Variants in CACNA1C observed in about 807,000 individuals in gnomAD.
CACNA1C encodes the protein voltage-dependent L-type calcium channel subunit alpha-1C.
CACNA1C carries 30 observed loss-of-function variants against 229.0 expected under a neutral mutation model. That is an observed-to-expected ratio of 0.13 (90% CI 0.10 to 0.18). The LOEUF is 0.18. CACNA1C is among the 10% of genes least tolerant of loss of function. The pLI, the probability that CACNA1C is intolerant of heterozygous loss-of-function variation, is 1.00. For synonymous variants in CACNA1C, 1,114 were observed against 1,132.5 expected (o/e 0.98, Z 0.33); for missense variants, 1,658 against 2,845.0 (o/e 0.58, Z 9.49).
rs561250485 is a variant in CACNA1C, at chr12:2,653,267, G to A, written c.4075-568G>A. 6.6e-5 allele frequency among the ~76,000 whole-genome samples: 10 copies of A among 152,324 alleles called. No individual in the cohort carries two copies. The East Asian group carries it at 1.2e-3, about 18-fold the overall frequency. On this transcript the variant is annotated intron_variant, in intron 32 of 46. Coordinates refer to ENST00000399655, the MANE Select transcript of CACNA1C (RefSeq NM_000719.7). This position sits in a 1 kb window ranked among gnomAD's most constrained non-coding sequence, Gnocchi z 4.7. The stretch of plus-strand genomic sequence containing the variant: ...TTATTATTGTTTCCATTTTTCTGAT[G>A]AGGAGACTGAAGTTCAGAGAAGTTA...
In CACNA1C at chr12:2,601,119, T is replaced by TGAGGG. The variant is rs1427596378; in HGVS notation, c.2854-735_2854-734insGAGGG. On this transcript the variant is annotated intron_variant, in intron 21 of 46. Transcript: ENST00000399655. The surrounding 1 kb of genome is among the most constrained non-coding windows in gnomAD (Gnocchi z 5.9). ...CATAGCCCCTCTGATCACACAACTT[T>TGAGGG]TGCCCTTAAAGAACTCCAGATGTAG... 6.6e-6 allele frequency among the ~76,000 whole-genome samples: 1 copy of TGAGGG among 152,210 alleles called. No individual in the cohort carries two copies. The highest frequency in any genetic ancestry group is 1.5e-5 in the Non-Finnish European group (1 of 68,036).
chr12:2,637,557 C>A (rs944252279), intron 30 of CACNA1C, among the ~76,000 whole-genome samples: 8 of 152,208 alleles, frequency 5.3e-5, no homozygotes, highest in African/African-American at 1.9e-4. Context: ...AAGCACAGTC[C>A]GGCTTGACCC....
intron 1 of CACNA1C, among the ~76,000 whole-genome samples, chr12:2,043,404 G>A (rs1377964702): frequency 6.6e-6 from 1 of 152,140 alleles, no homozygotes; most frequent in East Asian, 1.9e-4. Context: ...AGTCACTCAG[G>A]GACTCAGGGT....
chr12:2,219,816 C>T (rs1281233128), intron 3 of CACNA1C, among the ~76,000 whole-genome samples: 1 of 152,104 alleles, frequency 6.6e-6, no homozygotes, highest in African/African-American at 2.4e-5. Flanking sequence ...AGGAGAGGCC[C>T]TGGGAGAGTA....
chr12:2,452,497 C>G (rs947936585), intron 4 of CACNA1C, among the ~76,000 whole-genome samples: 7 of 152,170 alleles, frequency 4.6e-5, no homozygotes, highest in Non-Finnish European at 8.8e-5. Flanking sequence ...CTTCTAAAAG[C>G]TCCACTGCCG....
intron 11 of CACNA1C, among the ~76,000 whole-genome samples, chr12:2,565,208 C>T (rs553292676): frequency 2.0e-5 from 3 of 152,032 alleles, no homozygotes; most frequent in Admixed American, 1.3e-4. Flanking sequence ...GTGGCTCACG[C>T]CTGTAATCCC....
chr12:2,629,486 GA>G (rs2089279875), intron 29 of CACNA1C, among the ~76,000 whole-genome samples: 1 of 152,236 alleles, frequency 6.6e-6, no homozygotes, highest in Non-Finnish European at 1.5e-5. Flanking sequence ...GGGAGCAGAA[GA>G]AATGGCAAGT....
At chr12:2,669,267 G>T (rs2096417174) in intron 38 of CACNA1C, among the ~76,000 whole-genome samples, 1 of 152,044 alleles carries the variant, frequency 6.6e-6, no homozygotes, top group Admixed American at 6.5e-5. Flanking sequence ...CAATCTTTTG[G>T]CTTCTCTGGG....
At chr12:2,380,817 G>A (rs537800754) in intron 3 of CACNA1C, among the ~76,000 whole-genome samples, 6 of 152,282 alleles carry the variant, frequency 3.9e-5, no homozygotes, top group African/African-American at 1.4e-4. Flanking sequence ...CCTCTTTGGG[G>A]GCCCTGCTTG....
chr12:2,305,353 G>A (rs1166852759), intron 3 of CACNA1C, among the ~76,000 whole-genome samples: 3 of 152,230 alleles, frequency 2.0e-5, no homozygotes, highest in African/African-American at 7.2e-5. Context: ...AAAGTTTATG[G>A]TGCAGCCTCA....
At chr12:2,178,742 T>C (rs994036789) in intron 3 of CACNA1C, among the ~76,000 whole-genome samples, 7 of 152,076 alleles carry the variant, frequency 4.6e-5, no homozygotes, top group African/African-American at 1.7e-4. Context: ...TCTTCCCCCG[T>C]ACAAATTCAC....
At chr12:2,176,596 T>C (rs1392983397) in intron 3 of CACNA1C, among the ~76,000 whole-genome samples, 1 of 131,612 alleles carries the variant, frequency 7.6e-6, no homozygotes, top group Non-Finnish European at 1.8e-5. Flanking sequence ...AGCAAGTGCT[T>C]CACCTGTTCC....
chr12:2,266,160 G>T (rs1055237577), intron 3 of CACNA1C, among the ~76,000 whole-genome samples: 2 of 152,158 alleles, frequency 1.3e-5, no homozygotes, highest in Non-Finnish European at 2.9e-5. Context: ...CATTCTCCCT[G>T]CCCCAAAGCC....
chr12:2,589,605 G>T (rs890808453), intron 18 of CACNA1C, among the ~76,000 whole-genome samples: 6 of 152,122 alleles, frequency 3.9e-5, no homozygotes, highest in Middle Eastern at 3.4e-3. Flanking sequence ...CATGCGGGAG[G>T]CTGGGTCTGA....
intron 3 of CACNA1C, among the ~76,000 whole-genome samples, chr12:2,127,667 T>C (rs1182543594): frequency 6.6e-6 from 1 of 152,166 alleles, no homozygotes; most frequent in Non-Finnish European, 1.5e-5. Flanking sequence ...ATTGGGAAAG[T>C]GCTTCTACGG....
In CACNA1C at chr12:2,691,452, A is replaced by G; in HGVS notation, c.*253A>G. ...GCGAGGAAGGCGCCTGCCCTCTCCC[A>G]GCTCGCAGGCCCCGGGCCCGGCCGC... On this transcript the variant is annotated 3_prime_UTR_variant, in exon 47 of 47. Coordinates refer to ENST00000399655, the MANE Select transcript of CACNA1C (RefSeq NM_000719.7). 2.6e-6 allele frequency: 1 copy of G among 384,728 alleles called. No homozygotes were observed. The highest frequency in any genetic ancestry group is 3.9e-5 in the East Asian group (1 of 25,564). The allele number at this position is 384,728 out of a possible 1,614,324, so 23.8% of individuals were successfully genotyped here.
At chr12:2,254,921 G>T (rs992834519) in intron 3 of CACNA1C, among the ~76,000 whole-genome samples, 4 of 152,178 alleles carry the variant, frequency 2.6e-5, no homozygotes, top group Admixed American at 2.0e-4. Context: ...TCATCCCGAA[G>T]GTCTTTTAAG....
intron 1 of CACNA1C, among the ~76,000 whole-genome samples, chr12:2,089,830 C>T (rs553456027): frequency 1.1e-4 from 17 of 151,856 alleles, no homozygotes; most frequent in South Asian, 1.0e-3. Flanking sequence ...GTCGGGAGAT[C>T]GAGACCAGCC....
intron 3 of CACNA1C, among the ~76,000 whole-genome samples, chr12:2,315,609 G>T (rs139200154): frequency 1.3e-5 from 2 of 152,122 alleles, no homozygotes; most frequent in African/African-American, 4.8e-5. Flanking sequence ...ACAGAGTCCC[G>T]CAAGCTGTGA....
Sources: gnomAD v4.1 joint callset for allele counts (sites outside exome capture counted in the v4.1 genomes callset) on GRCh38, gnomAD v4.1.1 for gene constraint, Gnocchi (gnomAD v3.1) non-coding constraint, MANE v1.5 for transcripts, NCBI Gene and HGNC (gene_info 2026-07-23, HGNC 2026-07-21) for gene names.